CALN1: variants seen among roughly 807,000 people sequenced by gnomAD.
CALN1 encodes calneuron 1.
Under a neutral mutation model 30.6 loss-of-function variants are expected in CALN1, and 17 were observed. The ratio of observed to expected loss-of-function variants is 0.56; its 90% CI spans 0.38 to 0.83. The LOEUF is 0.83. Among genes scored for constraint, CALN1 ranks in the 40% least tolerant of loss-of-function variants. The probability of loss-of-function intolerance (pLI) is 0.00; values close to 1 mark genes in which losing one functional copy is unlikely to be tolerated. For synonymous variants in CALN1, 156 were observed against 131.4 expected, an observed-to-expected ratio of 1.19 and a Z score of -1.28; for missense variants, 291 against 354.9, an observed-to-expected ratio of 0.82 and a Z score of 1.45.
At chr7:72,069,472 G>A (rs1804243559) in intron 4 of CALN1, among the ~76,000 whole-genome samples, 1 of 152,128 alleles carries the variant, frequency 6.6e-6, no homozygotes, top group Non-Finnish European at 1.5e-5. Flanking sequence ...AGGCTCTAGG[G>A]AGCATAAATT....
At chr7:72,399,423 A>G (rs961544747) in intron 2 of CALN1, among the ~76,000 whole-genome samples, 1 of 151,610 alleles carries the variant, frequency 6.6e-6, no homozygotes, top group Admixed American at 6.6e-5. Flanking sequence ...AGCGCACACC[A>G]CCACCCCCAG....
At chr7:71,835,110 A>G (rs941963200) in intron 5 of CALN1, among the ~76,000 whole-genome samples, 3 of 152,184 alleles carry the variant, frequency 2.0e-5, no homozygotes, top group African/African-American at 7.2e-5. Flanking sequence ...ATGTGCTGGG[A>G]TTACAGGAAT....
chr7:72,254,142 C>G (rs369615809), intron 3 of CALN1, among the ~76,000 whole-genome samples: 12 of 152,136 alleles, frequency 7.9e-5, no homozygotes, highest in African/African-American at 2.9e-4. Context: ...ACTAGACCAA[C>G]TACTGCACAG....
chr7:72,205,551 A>ATATATATACATATATAT (rs1554319582), intron 3 of CALN1, among the ~76,000 whole-genome samples: 3 of 83,044 alleles, frequency 3.6e-5, no homozygotes, highest in African/African-American at 7.4e-5. Flanking sequence ...GCAAAAAAAA[A>ATATATATACATATATAT]ATATATATAT....
At chr7:72,483,918 T>C in the CALN1 span, among the ~76,000 whole-genome samples, 1 of 152,194 alleles carries the variant, frequency 6.6e-6, no homozygotes, top group Admixed American at 6.5e-5. Flanking sequence ...GTTTCATTTC[T>C]GAAAATTTGG....
chr7:72,008,421 T>TA (rs200831697), intron 5 of CALN1, among the ~76,000 whole-genome samples: 3,986 of 151,256 alleles, frequency 0.026, 113 homozygotes, highest in Non-Finnish European at 0.033. Flanking sequence ...ATTTCATTAA[T>TA]AAAAAAGAAA....
At chr7:72,373,680 A>C (rs1000167652) in intron 2 of CALN1, among the ~76,000 whole-genome samples, 5 of 152,222 alleles carry the variant, frequency 3.3e-5, no homozygotes, top group Non-Finnish European at 7.3e-5. Flanking sequence ...TTTCAACCTA[A>C]AGATCCTTTC....
chr7:72,494,893 G>T, the CALN1 span, among the ~76,000 whole-genome samples: 4 of 141,110 alleles, frequency 2.8e-5, no homozygotes, highest in South Asian at 4.4e-4. Flanking sequence ...ATAATAATAA[G>T]ATTGTTCCTC....
intron 3 of CALN1, among the ~76,000 whole-genome samples, chr7:72,231,730 C>T (rs1794121824): frequency 6.6e-6 from 1 of 152,188 alleles, no homozygotes; most frequent in Non-Finnish European, 1.5e-5. Context: ...GAGCTCAGTG[C>T]TATCCGTGAT....
intron 6 of CALN1, among the ~76,000 whole-genome samples, chr7:71,800,552 C>T (rs1325700506): frequency 1.3e-5 from 2 of 152,278 alleles, no homozygotes; most frequent in East Asian, 1.9e-4. Flanking sequence ...CATTTAGGGA[C>T]AACACTTGGG....
chr7:72,027,877 G>C (rs1336690698), intron 4 of CALN1, among the ~76,000 whole-genome samples: 1 of 150,654 alleles, frequency 6.6e-6, no homozygotes, highest in African/African-American at 2.4e-5. Context: ...CTAACACAGT[G>C]AAACCCCGTC....
chr7:72,211,701 C>T (rs1464305176), intron 3 of CALN1, among the ~76,000 whole-genome samples: 2 of 152,308 alleles, frequency 1.3e-5, no homozygotes, highest in East Asian at 3.9e-4. Flanking sequence ...TATTGACGGT[C>T]CCTGCTGCTA....
At chr7:72,398,162 A>G (rs1281778573) in intron 2 of CALN1, among the ~76,000 whole-genome samples, 1 of 152,228 alleles carries the variant, frequency 6.6e-6, no homozygotes, top group East Asian at 1.9e-4. Context: ...GATGATTCCA[A>G]TCTAGCAAGG....
chr7:72,417,022 G>A (rs1807444483), upstream of CALN1, among the ~76,000 whole-genome samples: 1 of 152,218 alleles, frequency 6.6e-6, no homozygotes, highest in African/African-American at 2.4e-5. Flanking sequence ...GCTGCCAGAT[G>A]GAAGCTCAGC....
At chr7:71,995,019 AT>A (rs1350056903) in intron 5 of CALN1, among the ~76,000 whole-genome samples, 1 of 151,924 alleles carries the variant, frequency 6.6e-6, no homozygotes, top group African/African-American at 2.4e-5. Context: ...CACCTGGCTA[AT>A]TTTTTATATT....
At chr7:72,042,793 T>C (rs909049537) in intron 4 of CALN1, among the ~76,000 whole-genome samples, 5 of 152,156 alleles carry the variant, frequency 3.3e-5, no homozygotes, top group African/African-American at 4.8e-5. Context: ...ATAAACCATA[T>C]TGTTTGAACA....
At chr7:72,028,636 C>A (rs1054911938) in intron 4 of CALN1, among the ~76,000 whole-genome samples, 2 of 152,118 alleles carry the variant, frequency 1.3e-5, no homozygotes, top group South Asian at 4.1e-4. Flanking sequence ...TAGGAGAGGA[C>A]GTTTGGAATT....
At chr7:72,185,398 C>A (rs1790114768) in intron 3 of CALN1, among the ~76,000 whole-genome samples, 1 of 152,142 alleles carries the variant, frequency 6.6e-6, no homozygotes, top group South Asian at 2.1e-4. Flanking sequence ...CCTGAAAACA[C>A]AGATTGCGCA....
Position 71,810,412 on chromosome 7 carries a change from G to A in CALN1, c.582C>T (p.Asp194=). 6.2e-7 allele frequency: 1 copy of A among 1,614,094 alleles called. No individual in the cohort carries two copies. The highest frequency in any genetic ancestry group is 8.5e-7 in the Non-Finnish European group (1 of 1,180,000). ...HAFRDHLTMK[D]IENIIINEEE... ...CCTCATTGATAATGATGTTCTCAAT[G>A]TCCTTCATCGTTAGGTGGTCTCGGA... The change falls in exon 6 of 7, where the codon GAC becomes GAT. Residue 194 remains aspartate (D), a synonymous_variant. Transcript: ENST00000395275.
Sources: allele counts gnomAD v4.1 joint callset (sites outside exome capture counted in the v4.1 genomes callset), GRCh38; gene constraint gnomAD v4.1.1; transcripts MANE v1.5; gene names NCBI Gene and HGNC (gene_info 2026-07-23, HGNC 2026-07-21).